ITPRID1: variants seen among roughly 807,000 people sequenced by gnomAD.
ITPRID1 encodes the protein ITPR interacting domain containing 1.
A neutral mutation model predicts 95.4 loss-of-function variants in ITPRID1; 96 were observed. The observed-to-expected ratio is 1.01, with a 90% CI of 0.85 to 1.19. The LOEUF is 1.19. Ranked by LOEUF, ITPRID1 falls within the 50% of genes most tolerant of loss-of-function variation. The pLI is 0.00. For synonymous variants in ITPRID1, 510 were observed against 453.6 expected, an observed-to-expected ratio of 1.12 and a Z score of -1.58; for missense variants, 1,339 against 1,252.9, an observed-to-expected ratio of 1.07 and a Z score of -1.04.
At position 31,653,578 on chromosome 7, in the gene ITPRID1, A is replaced by G. The variant is rs1465399059; in HGVS notation, c.*749A>G. 6.6e-6 allele frequency: 1 copy of G among 152,132 alleles called. No individual in the cohort carries two copies. Among genetic ancestry groups the G allele is most frequent in the Non-Finnish European group, 1.5e-5 (1 of 68,028 alleles). The allele number at this position is 152,132 out of a possible 1,614,324, so 9.4% of individuals were successfully genotyped here. Reference sequence around the variant, plus strand: ...TTAGACTAAAGATTTTAGGGACCACAAGGAATTTCCCAGTGGGCAAATTGT... The same window carrying G: ...TTAGACTAAAGATTTTAGGGACCACGAGGAATTTCCCAGTGGGCAAATTGT... On this transcript the variant is annotated 3_prime_UTR_variant, in exon 15 of 15. Coordinates refer to ENST00000615280, the MANE Select transcript of ITPRID1 (RefSeq NM_001257967.3).
chr7:31,531,604 A>C (rs1287218378), intron 1 of ITPRID1, among the ~76,000 whole-genome samples: 2 of 152,202 alleles, frequency 1.3e-5, no homozygotes, highest in African/African-American at 2.4e-5. Flanking sequence ...AAACCAAAGA[A>C]ATGTATTACT....
chr7:31,642,692 T>C lies in ITPRID1; in HGVS notation c.1322T>C (p.Leu441Ser), dbSNP rs1402350663. The C allele has an allele frequency of 6.8e-6, 11 of 1,613,198 alleles. No homozygotes were observed. In the South Asian group the frequency reaches 1.2e-4, roughly 18 times the overall value. ...LEPLPLQMPSLPNSQSPAENG... is the reference protein window; with the variant it reads ...LEPLPLQMPSSPNSQSPAENG... ...TGGTTTCCCCTACAGATGCCTTCCT[T>C]GCCAAACAGCCAGAGTCCTGCTGAG... The change falls in exon 12 of 15, where the codon TTG becomes TCG. Residue 441 changes from leucine to serine, a missense_variant. Physicochemically the swap from Leu to Ser is moderately radical, Grantham distance 145. Transcript: ENST00000615280.
intron 10 of ITPRID1, among the ~76,000 whole-genome samples, chr7:31,587,563 C>T (rs1785671250): frequency 6.8e-6 from 1 of 147,384 alleles, no homozygotes; most frequent in Non-Finnish European, 1.5e-5. Context: ...GGCCATACTG[C>T]CCAAGGTAAT....
At chr7:31,650,503 G>A (rs1382985162) in intron 12 of ITPRID1, among the ~76,000 whole-genome samples, 1 of 152,158 alleles carries the variant, frequency 6.6e-6, no homozygotes, top group East Asian at 1.9e-4. Flanking sequence ...CAGGAGCAAT[G>A]GGAAGGATTA....
chr7:31,547,264 C>T (rs768600595), intron 1 of ITPRID1, among the ~76,000 whole-genome samples: 10 of 152,270 alleles, frequency 6.6e-5, no homozygotes, highest in Non-Finnish European at 1.5e-4. Context: ...ATTTTAATGG[C>T]TCCCGTATTA....
chr7:31,524,452 T>C lies in ITPRID1; in HGVS notation c.-98+10332T>C, dbSNP rs1783362403. Among the ~76,000 whole-genome samples, 4 of 152,316 alleles carry C rather than the reference T, an allele frequency of 2.6e-5. No homozygotes were observed. In the South Asian group the frequency reaches 8.3e-4, roughly 32 times the overall value. On this transcript the variant is annotated intron_variant, in intron 1 of 14. Coordinates refer to ENST00000615280, the MANE Select transcript of ITPRID1 (RefSeq NM_001257967.3). ...GAGCAATTCACAGCACATGCAGCCATTTTGAGTCATGATTAGTGGTCCCAT... is the reference window on the plus strand; with the variant it reads ...GAGCAATTCACAGCACATGCAGCCACTTTGAGTCATGATTAGTGGTCCCAT...
rs1035854190 is a variant in ITPRID1, at chr7:31,593,443, A to T, written c.1228+10252A>T. ...TCAATGAGAAAAACAATATCTTATT[A>T]GATATGGTGAATGGAAATACATAGG... is the stretch of plus-strand genomic sequence containing the variant. On this transcript the variant is annotated intron_variant, in intron 10 of 14. Transcript: ENST00000615280. Among the ~76,000 whole-genome samples, 32 of 152,368 alleles carry T rather than the reference A, an allele frequency of 2.1e-4. No homozygotes were observed. The South Asian group carries it at 5.8e-3, about 28-fold the overall frequency.
chr7:31,610,509 T>C (rs920200168), intron 10 of ITPRID1, among the ~76,000 whole-genome samples: 1 of 151,580 alleles, frequency 6.6e-6, no homozygotes, highest in African/African-American at 2.4e-5. Context: ...TGTTTTGTTG[T>C]TGGTCTTCTA....
intron 1 of ITPRID1, among the ~76,000 whole-genome samples, chr7:31,522,381 C>G (rs962787104): frequency 6.6e-6 from 1 of 152,196 alleles, no homozygotes; most frequent in Admixed American, 6.5e-5. Context: ...ATTGAGCACT[C>G]ACGGTGAGAT....
chr7:31,613,531 A>G (rs1174998421), intron 10 of ITPRID1, among the ~76,000 whole-genome samples: 1 of 151,726 alleles, frequency 6.6e-6, no homozygotes, highest in Non-Finnish European at 1.5e-5. Flanking sequence ...TCATTCTACC[A>G]TTTTAGAGTC....
chr7:31,651,985 C>T lies in ITPRID1; in HGVS notation c.2758C>T (p.Gln920Ter). Residue 920 changes from glutamine (Q) to a stop codon, truncating the protein, a stop_gained, in exon 14 of 15, where the codon CAG (glutamine) becomes TAG (stop). Transcript: ENST00000615280. LOFTEE classifies it high-confidence loss of function. The part of the protein sequence containing the change: ...LQTLREALRQ[Q>*]VAELEFQLGD... ...AACGTTACGTGAGGCCCTGAGGCAG[C>T]AGGTGGCAGAGTTGGAATTTCAGTT... 1.2e-6 allele frequency: 2 copies of T among 1,606,040 alleles called. No homozygotes were observed. The highest frequency in any genetic ancestry group is 1.7e-6 in the Non-Finnish European group (2 of 1,176,480).
At chr7:31,550,820 TGCCATTCATTATAAGATGGAAG>T (rs1784262768) in intron 2 of ITPRID1, among the ~76,000 whole-genome samples, 1 of 143,094 alleles carries the variant, frequency 7.0e-6, no homozygotes, top group African/African-American at 2.5e-5. Context: ...AGGTCAAGTA[TGCCATTCATTATAAGATGGAAG>T]TTTGGGGACG....
chr7:31,619,011 C>A (rs1195199571), intron 10 of ITPRID1, among the ~76,000 whole-genome samples: 1 of 152,196 alleles, frequency 6.6e-6, no homozygotes, highest in Non-Finnish European at 1.5e-5. Context: ...TACATTGTGT[C>A]TGAGAGAGGA....
chr7:31,651,053 T>A, intron 12 of ITPRID1, 89 bp from the exon 13 acceptor site: 1 of 1,457,308 alleles, frequency 6.9e-7, no homozygotes, highest in Non-Finnish European at 9.2e-7. Flanking sequence ...AAAAAAGGGA[T>A]CCCAAATGGG....
At chr7:31,516,373 A>C (rs959381914) in intron 1 of ITPRID1, among the ~76,000 whole-genome samples, 1 of 152,240 alleles carries the variant, frequency 6.6e-6, no homozygotes, top group African/African-American at 2.4e-5. Context: ...CTCTATAAAA[A>C]GCTGACCCAA....
intron 1 of ITPRID1, chr7:31,517,494 C>G (rs1783082381): frequency 6.5e-6 from 1 of 153,278 alleles, no homozygotes; most frequent in Admixed American, 6.5e-5. Context: ...AGAAGGGAAA[C>G]AAGAAAGAGA....
chr7:31,588,273 T>G (rs1166640356), intron 10 of ITPRID1, among the ~76,000 whole-genome samples: 4 of 152,048 alleles, frequency 2.6e-5, no homozygotes, highest in Non-Finnish European at 4.4e-5. Flanking sequence ...AGTGTCCTGT[T>G]TTTTAAAAGC....
At chr7:31,612,185 C>G (rs577265653) in intron 10 of ITPRID1, among the ~76,000 whole-genome samples, 1 of 152,052 alleles carries the variant, frequency 6.6e-6, no homozygotes, top group East Asian at 1.9e-4. Flanking sequence ...ACTCTAAACT[C>G]TTATTTGGTC....
intron 11 of ITPRID1, 116 bp downstream of exon 11, chr7:31,642,374 A>C: frequency 1.4e-6 from 1 of 740,130 alleles, no homozygotes; most frequent in Non-Finnish European, 2.2e-6. Context: ...GGGGTGTTTT[A>C]AATCAAGCCA....
Sources: gnomAD v4.1 joint callset for allele counts (sites outside exome capture counted in the v4.1 genomes callset) on GRCh38, gnomAD v4.1.1 for gene constraint, MANE v1.5 for transcripts, NCBI Gene and HGNC (gene_info 2026-07-23, HGNC 2026-07-21) for gene names.